The following CKAP5 variants were observed in gnomAD, a reference collection of about 807,000 sequenced individuals.
CKAP5 encodes the protein cytoskeleton-associated protein 5.
In CKAP5, 27 loss-of-function variants were observed where a neutral mutation model predicts 232.8. That is an observed-to-expected ratio of 0.12 (90% CI 0.09 to 0.16). The LOEUF is 0.16. CKAP5 is among the 10% of genes least tolerant of loss of function. The pLI, the probability that CKAP5 is intolerant of heterozygous loss-of-function variation, is 1.00. For missense variants in CKAP5, 1,838 were observed against 2,424.7 expected, an observed-to-expected ratio of 0.76 and a Z score of 5.08; for synonymous variants, 785 against 841.1, an observed-to-expected ratio of 0.93 and a Z score of 1.16.
intron 9 of CKAP5, among the ~76,000 whole-genome samples, chr11:46,798,784 G>T (rs1938958585): frequency 6.6e-6 from 1 of 152,146 alleles, no homozygotes; most frequent in Admixed American, 6.5e-5. Context: ...TGATGGTTAT[G>T]TAACATTGTG....
intron 8 of CKAP5, among the ~76,000 whole-genome samples, chr11:46,803,909 G>A (rs1939093862): frequency 6.6e-6 from 1 of 151,906 alleles, no homozygotes; most frequent in African/African-American, 2.4e-5. Flanking sequence ...TAGATGCTAG[G>A]CTTTATATTT....
At chr11:46,823,714 G>A (rs756941676) in intron 1 of CKAP5, among the ~76,000 whole-genome samples, 2 of 152,058 alleles carry the variant, frequency 1.3e-5, no homozygotes, top group African/African-American at 2.4e-5. Context: ...TCCGCCTCCC[G>A]GGTTCAAGTG....
intron 42 of CKAP5, among the ~76,000 whole-genome samples, chr11:46,744,823 G>A (rs189600483): frequency 8.9e-4 from 136 of 152,252 alleles, no homozygotes; most frequent in African/African-American, 3.1e-3. Context: ...CTGCATCCTG[G>A]GTTATGCAGG....
chr11:46,766,464 A>G (rs1406593139), intron 27 of CKAP5, among the ~76,000 whole-genome samples: 2 of 152,192 alleles, frequency 1.3e-5, no homozygotes, highest in African/African-American at 4.8e-5. Flanking sequence ...AAAGGGCCTG[A>G]GCATAGGGAA....
Position 46,823,557 on chromosome 11 carries a change from C to T in CKAP5, c.-37-2289G>A, listed in dbSNP as rs1166541508. 2.6e-5 allele frequency among the ~76,000 whole-genome samples: 4 copies of T among 152,140 alleles called. No homozygotes were observed. In the South Asian group the frequency reaches 8.3e-4, roughly 32 times the overall value. On this transcript the variant is annotated intron_variant, in intron 1 of 43. Transcript: ENST00000529230. The stretch of plus-strand genomic sequence containing the variant: ...TTTACAAATGTACCATAATTACCAA[C>T]CCTACCATTGGACATTTAAATTGTT...
intron 31 of CKAP5, 195 bp from the exon 32 acceptor site, chr11:46,762,388 C>T: frequency 1.2e-6 from 1 of 855,488 alleles, no homozygotes; most frequent in Non-Finnish European, 2.0e-6. Flanking sequence ...GAAGAGATGC[C>T]TGTGAGTCAG....
chr11:46,827,174 A>G (rs1365318726), intron 1 of CKAP5, among the ~76,000 whole-genome samples: 7 of 152,120 alleles, frequency 4.6e-5, no homozygotes, highest in Non-Finnish European at 7.4e-5. Context: ...TCCCTCCTCC[A>G]AGGGTGAAAA....
In CKAP5 at chr11:46,759,484, C is replaced by T. The variant is rs778352413; in HGVS notation, c.4395-42G>A. ...GAGGCTCCTGAACTAAAAGAGACTTCTTAACCAAAGGGCAAGAGTAGCACT... is the reference window on the plus strand; with the variant it reads ...GAGGCTCCTGAACTAAAAGAGACTTTTTAACCAAAGGGCAAGAGTAGCACT... On this transcript the variant is annotated intron_variant, in intron 33 of 43. Coordinates refer to ENST00000529230, the MANE Select transcript of CKAP5 (RefSeq NM_001008938.4). The T allele has an allele frequency of 1.6e-5, 25 of 1,579,106 alleles. No individual in the cohort carries two copies. The South Asian group carries it at 2.5e-4, about 16-fold the overall frequency.
chr11:46,764,019 G>T (rs377097955), intron 28 of CKAP5, among the ~76,000 whole-genome samples: 1 of 152,008 alleles, frequency 6.6e-6, no homozygotes, highest in African/African-American at 2.4e-5. Flanking sequence ...AATTTTTTTC[G>T]TAGAGATGAA....
chr11:46,750,673 G>C, intron 40 of CKAP5, 62 bp from the exon 41 acceptor site: 1 of 1,278,602 alleles, frequency 7.8e-7, no homozygotes, highest in South Asian at 1.2e-5. Flanking sequence ...AGGAACTGAT[G>C]GTTGGATATG....
In CKAP5 at chr11:46,762,690, C is replaced by T; in HGVS notation, c.3964G>A (p.Ala1322Thr). ...ILNRMCLVYP[A>T]SKMFPFIMEG... ...ATGATAAAGGGAAACATCTTGCTAG[C>T]TGGGTAGACAAGGCACATCCGGTTC... Residue 1322 changes from alanine to threonine, a missense_variant, in exon 31 of 44, where the codon GCT becomes ACT. Transcript: ENST00000529230. 1 of 1,614,050 alleles carries T rather than the reference C, an allele frequency of 6.2e-7. No homozygotes were observed. Among genetic ancestry groups the T allele is most frequent in the South Asian group, 1.1e-5 (1 of 91,080 alleles).
intron 26 of CKAP5, among the ~76,000 whole-genome samples, chr11:46,769,675 GAC>G (rs1203170440): frequency 6.6e-6 from 1 of 151,530 alleles, no homozygotes; most frequent in Non-Finnish European, 1.5e-5. Flanking sequence ...CCTCCTGGGT[GAC>G]AGAGCAAGAT....
chr11:46,838,908 T>C (rs963739046), intron 1 of CKAP5, among the ~76,000 whole-genome samples: 24 of 151,506 alleles, frequency 1.6e-4, no homozygotes, highest in African/African-American at 4.6e-4. Flanking sequence ...AACTGAATAG[T>C]CAGATACTGT....
intron 16 of CKAP5, among the ~76,000 whole-genome samples, chr11:46,787,287 G>A (rs969931004): frequency 4.6e-5 from 7 of 152,176 alleles, no homozygotes; most frequent in Admixed American, 2.6e-4. Context: ...CAGTGTATGA[G>A]GGAGCTAAAC....
chr11:46,831,854 A>T (rs1388188972), intron 1 of CKAP5, among the ~76,000 whole-genome samples: 1 of 130,998 alleles, frequency 7.6e-6, no homozygotes, highest in East Asian at 2.1e-4. Flanking sequence ...TATACAATAA[A>T]CTTATCCTTT....
At chr11:46,750,861 C>T (rs1255262622) in intron 40 of CKAP5, among the ~76,000 whole-genome samples, 1 of 152,172 alleles carries the variant, frequency 6.6e-6, no homozygotes, top group Non-Finnish European at 1.5e-5. Flanking sequence ...CCATGTTAAG[C>T]AGAACTAGCT....
intron 9 of CKAP5, among the ~76,000 whole-genome samples, chr11:46,800,146 C>T (rs895995445): frequency 4.0e-5 from 6 of 151,716 alleles, no homozygotes; most frequent in Admixed American, 2.6e-4. Flanking sequence ...ATATACACAT[C>T]GATATTATAT....
intron 1 of CKAP5, among the ~76,000 whole-genome samples, chr11:46,835,659 G>C (rs1939899245): frequency 6.6e-6 from 1 of 151,990 alleles, no homozygotes; most frequent in African/African-American, 2.4e-5. Flanking sequence ...TAGTCCATAA[G>C]ATACAAACAG....
At chr11:46,801,438 G>A in intron 8 of CKAP5, 134 bp from the exon 9 acceptor site, 2 of 600,240 alleles carry the variant, frequency 3.3e-6, no homozygotes, top group South Asian at 1.7e-5. Context: ...GGGAGGCCAA[G>A]GTGGGTGGAC....
Sources: allele counts gnomAD v4.1 joint callset (sites outside exome capture counted in the v4.1 genomes callset), GRCh38; gene constraint gnomAD v4.1.1; transcripts MANE v1.5; gene names NCBI Gene and HGNC (gene_info 2026-07-23, HGNC 2026-07-21).